Variants in DKK3 observed in about 807,000 individuals in gnomAD.
DKK3 encodes the protein dickkopf-related protein 3.
A neutral mutation model predicts 33.2 loss-of-function variants in DKK3; 22 were observed. That is an observed-to-expected ratio of 0.66 (90% CI 0.47 to 0.95). The LOEUF (loss-of-function observed/expected upper bound fraction) is 0.95, where lower values mean the gene tolerates loss of function less well. Among genes scored for constraint, DKK3 ranks in the 40% least tolerant of loss-of-function variants. The pLI, the probability that DKK3 is intolerant of heterozygous loss-of-function variation, is 0.00. For missense variants in DKK3, 398 were observed against 458.4 expected (o/e 0.87, Z 1.20); for synonymous variants, 194 against 188.8 (o/e 1.03, Z -0.23).
upstream of DKK3, chr11:12,009,092 C>T (rs921938870): frequency 3.0e-6 from 3 of 985,696 alleles, no homozygotes; most frequent in South Asian, 4.7e-5. Flanking sequence ...GGGTCCTACT[C>T]GAGCGCCCCG....
At chr11:12,003,048 T>C (rs1335822165) in intron 1 of DKK3, among the ~76,000 whole-genome samples, 2 of 152,246 alleles carry the variant, frequency 1.3e-5, no homozygotes, top group Non-Finnish European at 2.9e-5. Flanking sequence ...CTCTAAGGCC[T>C]CCAGTGGGAT....
intron 3 of DKK3, among the ~76,000 whole-genome samples, chr11:11,994,154 T>C (rs534889538): frequency 1.3e-5 from 2 of 151,948 alleles, no homozygotes; most frequent in East Asian, 3.9e-4. Flanking sequence ...CTTTCGCATC[T>C]CCCCCCAGTC....
intron 3 of DKK3, among the ~76,000 whole-genome samples, chr11:11,973,465 G>T (rs1314193086): frequency 1.3e-5 from 2 of 152,176 alleles, no homozygotes; most frequent in African/African-American, 4.8e-5. Context: ...ATGTCATATG[G>T]CTGGAAGACA....
chr11:11,998,878 G>T, intron 2 of DKK3, 99 bp from the exon 3 acceptor site: 1 of 1,168,884 alleles, frequency 8.6e-7, no homozygotes, highest in Non-Finnish European at 1.3e-6. Context: ...TGAAGCAGGA[G>T]CATCCAGTAT....
At chr11:11,968,266 C>G (rs1847646135) in intron 4 of DKK3, 129 bp downstream of exon 4, 1 of 812,164 alleles carries the variant, frequency 1.2e-6, no homozygotes, top group Non-Finnish European at 1.9e-6. Flanking sequence ...CTGGGGAGCC[C>G]TCTTGGGTCC....
chr11:11,998,629 T>C (rs1049919155), intron 3 of DKK3, 67 bp downstream of exon 3: 9 of 1,439,236 alleles, frequency 6.3e-6, no homozygotes, highest in Admixed American at 3.4e-5. Flanking sequence ...TGAGTCACCG[T>C]TGGCAAACTG....
chr11:11,977,963 T>C (rs1847870519), intron 3 of DKK3, among the ~76,000 whole-genome samples: 1 of 152,198 alleles, frequency 6.6e-6, no homozygotes, highest in Non-Finnish European at 1.5e-5. Flanking sequence ...ATTTAGCAAA[T>C]AAAATTATAG....
intron 5 of DKK3, 34 bp downstream of exon 5, chr11:11,966,920 G>A (rs1847610066): frequency 6.2e-7 from 1 of 1,609,662 alleles, no homozygotes; most frequent in African/African-American, 1.3e-5. Flanking sequence ...GCTTGGGACA[G>A]GGTTTTTCCT....
At chr11:11,965,626 C>G (rs1847570295) in intron 6 of DKK3, among the ~76,000 whole-genome samples, 183 bp downstream of exon 6, 1 of 152,144 alleles carries the variant, frequency 6.6e-6, no homozygotes, top group Non-Finnish European at 1.5e-5. Flanking sequence ...AGCCTGGGCT[C>G]CAGACCCCTA....
chr11:12,005,931 T>G (rs565569399), intron 1 of DKK3, among the ~76,000 whole-genome samples: 29 of 152,336 alleles, frequency 1.9e-4, no homozygotes, highest in African/African-American at 6.5e-4. Context: ...TTTAAGATAT[T>G]TTAAAAGATA....
chr11:12,009,737 G>A (rs1329015218), upstream of DKK3: 34 of 985,484 alleles, frequency 3.5e-5, no homozygotes, highest in Non-Finnish European at 4.1e-5. Flanking sequence ...TTAGTCTGCC[G>A]TGATTGACAC....
intron 3 of DKK3, among the ~76,000 whole-genome samples, chr11:11,978,264 G>A (rs1010868810): frequency 4.6e-5 from 7 of 152,162 alleles, no homozygotes; most frequent in African/African-American, 1.7e-4. Context: ...AAGGACATCA[G>A]GGTGCCTGCT....
chr11:11,995,273 AG>A (rs1848267955), intron 3 of DKK3, among the ~76,000 whole-genome samples: 1 of 151,914 alleles, frequency 6.6e-6, no homozygotes, highest in African/African-American at 2.4e-5. Flanking sequence ...TTTTTTGTAG[AG>A]GGGTCTCAAT....
upstream of DKK3, chr11:12,008,648 C>A (rs1320877013): frequency 6.3e-6 from 8 of 1,277,478 alleles, no homozygotes; most frequent in African/African-American, 1.6e-5. The surrounding 1 kb of genome is among the most constrained non-coding windows in gnomAD (Gnocchi z 4.6). Context: ...CGCGGACCAC[C>A]CCCCTCGCTG....
At chr11:11,975,813 A>C (rs893301470) in intron 3 of DKK3, among the ~76,000 whole-genome samples, 5 of 152,180 alleles carry the variant, frequency 3.3e-5, no homozygotes, top group African/African-American at 1.2e-4. Flanking sequence ...GCTGGGTCAC[A>C]AGTCAAGACC....
intron 1 of DKK3, among the ~76,000 whole-genome samples, chr11:12,007,973 T>TAGA (rs1202714040): frequency 2.0e-5 from 3 of 152,236 alleles, no homozygotes; most frequent in Non-Finnish European, 2.9e-5. Context: ...ACGGACAAGC[T>TAGA]AGAACTTGGC....
chr11:12,008,429 G>T lies in DKK3; in HGVS notation c.154C>A (p.Arg52Ser). The T allele has an allele frequency of 6.2e-7, 1 of 1,611,386 alleles. No individual in the cohort carries two copies. Among genetic ancestry groups the T allele is most frequent in the Non-Finnish European group, 8.5e-7 (1 of 1,179,580 alleles). ...QEEATLNEMF[R>S]EVEELMEDTQ... ...TCCTCCATCAGTTCCTCAACCTCGC[G>T]GAACATCTCATTGAGGGTGGCCTCC... Residue 52 changes from arginine to serine, a missense_variant, in exon 1 of 7, where the codon CGC becomes AGC. Arg to Ser is a moderately radical substitution (Grantham distance 110). Transcript: ENST00000683431. The surrounding 1 kb of genome is among the most constrained non-coding windows in gnomAD (Gnocchi z 4.6).
Position 11,968,630 on chromosome 11 carries a change from G to A in DKK3, c.436-143C>T, listed in dbSNP as rs1847656614. ...GGTCAGGAAAGGCCTCCAGACTCTA[G>A]TCGCTCCTGATCCCTGCCTGGCTGC... On this transcript the variant is annotated intron_variant, in intron 3 of 6. Coordinates refer to ENST00000683431, the MANE Select transcript of DKK3 (RefSeq NM_001018057.2). The A allele has an allele frequency of 7.4e-6, 5 of 676,244 alleles. No homozygotes were observed. In the East Asian group the frequency reaches 9.4e-5, roughly 13 times the overall value. The allele number at this position is 676,244 out of a possible 1,614,324, so 41.9% of individuals were successfully genotyped here.
rs1008376244 is a variant in DKK3 at position 11,993,469 on chromosome 11, G to A, written c.435+5227C>T. Among the ~76,000 whole-genome samples the A allele has an allele frequency of 2.6e-5, 4 of 151,934 alleles. No individual in the cohort carries two copies. In the South Asian group the frequency reaches 6.2e-4, roughly 24 times the overall value. On this transcript the variant is annotated intron_variant, in intron 3 of 6. Coordinates refer to ENST00000683431, the MANE Select transcript of DKK3 (RefSeq NM_001018057.2). ...GTATTTTGATTTTAGATGTGGAATCGCTTCTATTTAATGAATTCTTTCTTG... is the reference window on the plus strand; with the variant it reads ...GTATTTTGATTTTAGATGTGGAATCACTTCTATTTAATGAATTCTTTCTTG...
Sources: allele counts gnomAD v4.1 joint callset (sites outside exome capture counted in the v4.1 genomes callset), GRCh38; gene constraint gnomAD v4.1.1; non-coding constraint Gnocchi (gnomAD v3.1); transcripts MANE v1.5; gene names NCBI Gene and HGNC (gene_info 2026-07-23, HGNC 2026-07-21).